The following COL14A1 variants were observed in gnomAD, a reference collection of about 807,000 sequenced individuals.
The protein encoded by COL14A1 is collagen type XIV alpha 1 chain, also known as collagen alpha-1(XIV) chain.
Under a neutral mutation model 230.3 loss-of-function variants are expected in COL14A1, and 136 were observed. The observed-to-expected ratio is 0.59, with a 90% confidence interval of 0.51 to 0.68. The LOEUF is 0.68. Among genes scored for constraint, COL14A1 ranks in the 30% least tolerant of loss-of-function variants. The pLI is 0.00. For synonymous variants in COL14A1, 792 were observed against 784.1 expected (o/e 1.01, Z -0.17); for missense variants, 1,976 against 2,215.8 (o/e 0.89, Z 2.17).
At chr8:120,301,287 A>G (rs1820701668) in intron 36 of COL14A1, among the ~76,000 whole-genome samples, 1 of 152,048 alleles carries the variant, frequency 6.6e-6, no homozygotes, top group African/African-American at 2.4e-5. Flanking sequence ...TGTTGTACAG[A>G]TTATTTCATC....
At chr8:120,324,580 G>A (rs919255398) in intron 40 of COL14A1, among the ~76,000 whole-genome samples, 3 of 152,148 alleles carry the variant, frequency 2.0e-5, no homozygotes, top group East Asian at 1.9e-4. Flanking sequence ...ATTGTGCAAC[G>A]AGGGTTTCTT....
At chr8:120,246,949 G>C (rs13258857) in intron 20 of COL14A1, among the ~76,000 whole-genome samples, 65,176 of 151,982 alleles carry the variant, frequency 0.43, 14,208 homozygotes, top group Middle Eastern at 0.51. Context: ...CACACCCCCA[G>C]TATTGCTGTT....
At chr8:120,281,952 T>C (rs1820052864) in intron 31 of COL14A1, among the ~76,000 whole-genome samples, 1 of 152,160 alleles carries the variant, frequency 6.6e-6, no homozygotes, top group Non-Finnish European at 1.5e-5. Flanking sequence ...ACATTTGCCT[T>C]ATTCTTGTTT....
intron 12 of COL14A1, among the ~76,000 whole-genome samples, chr8:120,211,952 G>A (rs939017597): frequency 3.9e-5 from 6 of 152,240 alleles, no homozygotes; most frequent in East Asian, 3.9e-4. Context: ...ATTCAACTGC[G>A]TGGATTCTCT....
chr8:120,250,800 T>C, intron 22 of COL14A1, 34 bp downstream of exon 22: 1 of 1,610,860 alleles, frequency 6.2e-7, no homozygotes, highest in Non-Finnish European at 8.5e-7. Flanking sequence ...CAGCCGCATA[T>C]GGGTTTTTGT....
chr8:120,267,214 C>G (rs1175188563), intron 25 of COL14A1, among the ~76,000 whole-genome samples: 1 of 151,860 alleles, frequency 6.6e-6, no homozygotes, highest in Non-Finnish European at 1.5e-5. Flanking sequence ...AATAGTTTCC[C>G]AGCCTACCTC....
chr8:120,191,183 G>T (rs1816811709), intron 5 of COL14A1, among the ~76,000 whole-genome samples: 1 of 138,616 alleles, frequency 7.2e-6, no homozygotes, highest in East Asian at 2.0e-4. Context: ...TGGGCATTTA[G>T]TGCTATAAAT....
At chr8:120,126,824 T>G (rs1814357091) in intron 1 of COL14A1, among the ~76,000 whole-genome samples, 1 of 152,204 alleles carries the variant, frequency 6.6e-6, no homozygotes, top group Non-Finnish European at 1.5e-5. Flanking sequence ...ATGAACAGCA[T>G]GTGAATATTT....
At chr8:120,216,683 G>A (rs1031633028) in intron 14 of COL14A1, among the ~76,000 whole-genome samples, 193 bp downstream of exon 14, 2 of 152,202 alleles carry the variant, frequency 1.3e-5, no homozygotes, top group Admixed American at 1.3e-4. Context: ...GCTCCCCAGT[G>A]AGGTTAGGGC....
chr8:120,245,253 G>A (rs1029304441), intron 20 of COL14A1, among the ~76,000 whole-genome samples: 5 of 151,954 alleles, frequency 3.3e-5, no homozygotes, highest in Non-Finnish European at 1.5e-5. Context: ...TTACTCCCTG[G>A]TATTTTCTTA....
intron 2 of COL14A1, among the ~76,000 whole-genome samples, chr8:120,151,097 G>T (rs534680756): frequency 4.9e-4 from 74 of 152,260 alleles, no homozygotes; most frequent in Non-Finnish European, 8.7e-4. Context: ...GTGGCTGCAC[G>T]CTGGGGGAAA....
chr8:120,355,296 T>C (rs146667075), intron 45 of COL14A1, among the ~76,000 whole-genome samples: 8 of 152,354 alleles, frequency 5.3e-5, no homozygotes, highest in African/African-American at 1.9e-4. Flanking sequence ...CACTGGTATC[T>C]TGAGCCATAT....
At chr8:120,312,563 C>G (rs1474421904) in intron 37 of COL14A1, among the ~76,000 whole-genome samples, 1 of 152,180 alleles carries the variant, frequency 6.6e-6, no homozygotes, top group Non-Finnish European at 1.5e-5. Context: ...CTCTTCCTTT[C>G]CCTTCTACCT....
intron 5 of COL14A1, among the ~76,000 whole-genome samples, chr8:120,177,750 A>G (rs1816332550): frequency 6.7e-6 from 1 of 149,486 alleles, no homozygotes. Flanking sequence ...ATAAATAACA[A>G]TATGATTACT....
intron 1 of COL14A1, among the ~76,000 whole-genome samples, chr8:120,146,697 T>G (rs1815099698): frequency 6.6e-6 from 1 of 152,138 alleles, no homozygotes; most frequent in Non-Finnish European, 1.5e-5. Context: ...AAATTAAAAT[T>G]TAACTATAGT....
chr8:120,132,480 T>C (rs1193259604), intron 1 of COL14A1, among the ~76,000 whole-genome samples: 1 of 152,166 alleles, frequency 6.6e-6, no homozygotes, highest in Non-Finnish European at 1.5e-5. Context: ...GAGTTTGAAG[T>C]TGGATAATTT....
chr8:120,250,515 C>A, intron 21 of COL14A1, 102 bp from the exon 22 acceptor site: 2 of 1,268,720 alleles, frequency 1.6e-6, no homozygotes, highest in Non-Finnish European at 1.1e-6. Context: ...CTGTATAATC[C>A]CAGGCAACTG....
At chr8:120,203,021 T>TATATATATATATATATATATATATATA (rs61499035) in intron 8 of COL14A1, among the ~76,000 whole-genome samples, 3 of 141,596 alleles carry the variant, frequency 2.1e-5, no homozygotes, top group Non-Finnish European at 4.6e-5. Context: ...TATATATATA[T>TATATATATATATATATATATATATATA]TTGTTCTAGC....
Position 120,283,769 on chromosome 8 carries a change from A to T in COL14A1, c.3958A>T (p.Ile1320Phe). ...AAATTCTGACCCATTGGTTGGGGTT[A>T]TTTTAGACAGTAAGTATATTTATTG... Reference protein sequence around the residue: ...NKNSDPLVGVILDNGGKTLTY... With the variant: ...NKNSDPLVGVFLDNGGKTLTY... The change falls in exon 32 of 48, where the codon ATT becomes TTT. Residue 1320 changes from isoleucine (I) to phenylalanine (F), a missense_variant. This residue lies in a region of COL14A1 where 1,791 missense variants were observed against 2,019.5 expected (regional missense o/e 0.89). Transcript: ENST00000297848. 3 of 1,610,022 alleles carry T rather than the reference A, an allele frequency of 1.9e-6. No individual in the cohort carries two copies. Among genetic ancestry groups the T allele is most frequent in the Non-Finnish European group, 2.5e-6 (3 of 1,178,804 alleles).
Sources: allele counts gnomAD v4.1 joint callset (sites outside exome capture counted in the v4.1 genomes callset), GRCh38; gene constraint gnomAD v4.1.1; regional missense constraint gnomAD v4.1.1; transcripts MANE v1.5; gene names NCBI Gene and HGNC (gene_info 2026-07-23, HGNC 2026-07-21).